ZFC3H1: variants seen among roughly 807,000 people sequenced by gnomAD.
ZFC3H1 encodes zinc finger C3H1-type containing.
Under a neutral mutation model 243.7 loss-of-function variants are expected in ZFC3H1, and 71 were observed. The observed-to-expected ratio is 0.29, with a 90% CI of 0.24 to 0.36. The LOEUF (loss-of-function observed/expected upper bound fraction) is 0.36, where lower values mean the gene tolerates loss of function less well. Among genes scored for constraint, ZFC3H1 ranks in the 10% least tolerant of loss-of-function variants. The pLI is 1.00. For synonymous variants in ZFC3H1, 838 were observed against 813.0 expected (o/e 1.03, Z -0.52); for missense variants, 1,966 against 2,317.1 (o/e 0.85, Z 3.11).
intron 2 of ZFC3H1, chr12:71,656,622 A>G (rs1161233074): frequency 3.3e-6 from 2 of 605,478 alleles, no homozygotes; most frequent in Admixed American, 3.4e-5. Flanking sequence ...TCTTTAAATT[A>G]GGAAACAAAG....
At chr12:71,617,944 TTAAA>T (rs1404683216) in intron 27 of ZFC3H1, among the ~76,000 whole-genome samples, 1 of 151,984 alleles carries the variant, frequency 6.6e-6, no homozygotes, top group Non-Finnish European at 1.5e-5. Flanking sequence ...TCCCCAAATC[TTAAA>T]TAAAACTGCC....
At chr12:71,661,196 G>C (rs1365188387) in intron 1 of ZFC3H1, among the ~76,000 whole-genome samples, 4 of 151,714 alleles carry the variant, frequency 2.6e-5, no homozygotes, top group Non-Finnish European at 4.4e-5. Flanking sequence ...CCAGCTACTC[G>C]GGAGACTGAG....
intron 1 of ZFC3H1, among the ~76,000 whole-genome samples, chr12:71,658,481 G>A (rs1881081653): frequency 6.6e-6 from 1 of 151,842 alleles, no homozygotes; most frequent in Non-Finnish European, 1.5e-5. Context: ...TAGAGATGGA[G>A]TTTCACCATG....
intron 31 of ZFC3H1, 139 bp downstream of exon 31, chr12:71,613,196 A>G (rs1879814303): frequency 1.8e-6 from 1 of 554,412 alleles, no homozygotes; most frequent in African/African-American, 1.9e-5. Context: ...TTGGCTTAAC[A>G]ACTCTGAAAT....
chr12:71,625,573 C>A (rs1185139635), intron 22 of ZFC3H1, among the ~76,000 whole-genome samples: 1 of 152,072 alleles, frequency 6.6e-6, no homozygotes, highest in Non-Finnish European at 1.5e-5. Context: ...GCATGTGTGG[C>A]CCCAGCTTTT....
chr12:71,620,312 G>C lies in ZFC3H1; in HGVS notation c.4748C>G (p.Ala1583Gly), dbSNP rs754154404. Residue 1583 changes from alanine to glycine, a missense_variant, in exon 25 of 35, where the codon GCA becomes GGA. By Grantham distance (60) the Ala-to-Gly change is moderately conservative. Transcript: ENST00000378743. ...PDMLLAVFED[A>G]VKACTDESLA... The stretch of plus-strand genomic sequence containing the variant: ...GCTCTCATCTGTGCAAGCTTTCACT[G>C]CATCTACCCAAAAACATCACAACAA... 6 of 1,613,922 alleles carry C rather than the reference G, an allele frequency of 3.7e-6. No individual in the cohort carries two copies. The South Asian group carries it at 4.4e-5, about 12-fold the overall frequency.
intron 10 of ZFC3H1, among the ~76,000 whole-genome samples, 192 bp downstream of exon 10, chr12:71,635,251 T>C (rs960529188): frequency 2.6e-5 from 4 of 152,194 alleles, no homozygotes; most frequent in Admixed American, 2.6e-4. Flanking sequence ...ATGGAAACTT[T>C]TAATAGTAAA....
chr12:71,627,387 C>G (rs971151736), intron 21 of ZFC3H1, among the ~76,000 whole-genome samples: 1 of 152,078 alleles, frequency 6.6e-6, no homozygotes, highest in Non-Finnish European at 1.5e-5. Flanking sequence ...ACCTGTTCCA[C>G]CATTATTTTA....
rs774312083 is a variant in ZFC3H1 at position 71,663,529 on chromosome 12, T to C, written c.82A>G (p.Ser28Gly). Residue 28 changes from serine to glycine, a missense_variant, in exon 1 of 35, where the codon AGT becomes GGT. Ser to Gly is a moderately conservative substitution (Grantham distance 56). Coordinates refer to ENST00000378743, the MANE Select transcript of ZFC3H1 (RefSeq NM_144982.5). ...ATCTGGCTGTTATTATCGTCGTCAC[T>C]GATTTCCCCATCTTCAAGCTCCCCT... ...EEGELEDGEISDDDNNSQIRS... is the reference protein window; with the variant it reads ...EEGELEDGEIGDDDNNSQIRS... 5 of 1,613,634 alleles carry C rather than the reference T, an allele frequency of 3.1e-6. No individual in the cohort carries two copies. The highest frequency in any genetic ancestry group is 4.2e-6 in the Non-Finnish European group (5 of 1,180,046).
intron 7 of ZFC3H1, 135 bp from the exon 8 acceptor site, chr12:71,637,194 T>C: frequency 2.7e-6 from 2 of 732,124 alleles, no homozygotes; most frequent in South Asian, 2.3e-5. Context: ...GCTAAGTATA[T>C]GTTAACCTCA....
At chr12:71,615,909 C>A (rs1879883902) in intron 27 of ZFC3H1, among the ~76,000 whole-genome samples, 1 of 152,082 alleles carries the variant, frequency 6.6e-6, no homozygotes, top group South Asian at 2.1e-4. Context: ...CACCATAATC[C>A]TCTAAATAAA....
At chr12:71,628,027 T>A in intron 20 of ZFC3H1, 93 bp from the exon 21 acceptor site, 1 of 1,227,774 alleles carries the variant, frequency 8.1e-7, no homozygotes, top group Non-Finnish European at 1.1e-6. Context: ...TAAAGTAACT[T>A]AAAAACCTAA....
intron 21 of ZFC3H1, among the ~76,000 whole-genome samples, chr12:71,626,724 C>T (rs1000549378): frequency 2.0e-5 from 3 of 152,166 alleles, no homozygotes; most frequent in African/African-American, 7.2e-5. Flanking sequence ...AGATTATCAA[C>T]TTCAAATGTG....
rs887215686 is a variant in ZFC3H1, at chr12:71,663,622, C to T, written c.-12G>A. The stretch of plus-strand genomic sequence containing the variant: ...TCTGCGGTCGCCATCCGGGGAGCAG[C>T]GCCTTCCACACAACCTTAGCCCTCC... On this transcript the variant is annotated 5_prime_UTR_variant, in exon 1 of 35. Transcript: ENST00000378743. 3.1e-6 allele frequency: 5 copies of T among 1,604,074 alleles called. No individual in the cohort carries two copies. Among genetic ancestry groups the T allele is most frequent in the Admixed American group, 3.3e-5 (2 of 59,848 alleles).
intron 24 of ZFC3H1, among the ~76,000 whole-genome samples, chr12:71,622,031 A>G (rs1201442117): frequency 6.6e-6 from 1 of 152,202 alleles, no homozygotes; most frequent in Non-Finnish European, 1.5e-5. Flanking sequence ...GTATCATTCT[A>G]CTTATCAAGC....
intron 27 of ZFC3H1, among the ~76,000 whole-genome samples, chr12:71,615,971 GA>G (rs1299490166): frequency 6.6e-6 from 1 of 152,048 alleles, no homozygotes; most frequent in Middle Eastern, 3.2e-3. Flanking sequence ...ATTTTCCAAT[GA>G]AATCTGTACT....
In ZFC3H1 at chr12:71,613,514, C is replaced by T. The variant is rs142714098; in HGVS notation, c.5527-79G>A. 105 of 876,288 alleles carry T rather than the reference C, an allele frequency of 1.2e-4. No individual in the cohort carries two copies. The East Asian group carries it at 2.6e-3, about 22-fold the overall frequency. The allele number at this position is 876,288 out of a possible 1,614,324, so 54.3% of individuals were successfully genotyped here. ...TTACCTATGTGTTTTAACACGAAAA[C>T]CAAAATGGTCTTTAAGATATGAATG... is the stretch of plus-strand genomic sequence containing the variant. On this transcript the variant is annotated intron_variant, in intron 30 of 34. Transcript: ENST00000378743.
intron 18 of ZFC3H1, 67 bp downstream of exon 18, chr12:71,630,533 A>G: frequency 6.5e-7 from 1 of 1,547,182 alleles, no homozygotes; most frequent in Non-Finnish European, 8.7e-7. Context: ...GTCAACAACT[A>G]ATATAGAATT....
Position 71,660,754 on chromosome 12 carries a change from C to T in ZFC3H1, c.598+2259G>A, listed in dbSNP as rs190751265. 3.3e-3 allele frequency among the ~76,000 whole-genome samples: 508 copies of T among 152,130 alleles called. 2 individuals are homozygous for T. Among genetic ancestry groups the T allele is most frequent in the Non-Finnish European group, 5.9e-3 (400 of 67,996 alleles). On this transcript the variant is annotated intron_variant, in intron 1 of 34. Transcript: ENST00000378743. ...CATACTTCAGTTTCAACTTTTTATA[C>T]TAAACTGCAACTACTTATTTTCATT...
Sources: gnomAD v4.1 joint callset for allele counts (sites outside exome capture counted in the v4.1 genomes callset) on GRCh38, gnomAD v4.1.1 for gene constraint, MANE v1.5 for transcripts, NCBI Gene and HGNC (gene_info 2026-07-23, HGNC 2026-07-21) for gene names.